SMYD1: variants seen among roughly 807,000 people sequenced by gnomAD.
The protein encoded by SMYD1 is histone-lysine N-methyltransferase SMYD1.
SMYD1 carries 49 observed loss-of-function variants against 54.0 expected under a neutral mutation model. The observed-to-expected ratio is 0.91, with a 90% CI of 0.72 to 1.15. The LOEUF (loss-of-function observed/expected upper bound fraction) is 1.15, where lower values mean the gene tolerates loss of function less well. Among genes scored for constraint, SMYD1 ranks in the 50% most tolerant of loss-of-function variants. The probability of loss-of-function intolerance (pLI) is 0.00; values close to 1 mark genes in which losing one functional copy is unlikely to be tolerated. For synonymous variants in SMYD1, 269 were observed against 234.2 expected, an observed-to-expected ratio of 1.15 and a Z score of -1.36; for missense variants, 653 against 639.6, an observed-to-expected ratio of 1.02 and a Z score of -0.23.
chr2:88,070,653 A>G (rs1673925221), intron 1 of SMYD1, among the ~76,000 whole-genome samples: 1 of 152,026 alleles, frequency 6.6e-6, no homozygotes, highest in Non-Finnish European at 1.5e-5. Flanking sequence ...CCTTTTAAAT[A>G]ATAGTTTTGG....
rs1424600264 is a variant in SMYD1, at chr2:88,104,026, GC to G, written c.981+877del. On this transcript the variant is annotated intron_variant, in intron 7 of 9. Transcript: ENST00000419482. ...CTGTCACCCAGGCTGGAGTGCAGTG[GC>G]ACGATTTCGGCTCACTGCAAGCTCT... Among the ~76,000 whole-genome samples the G allele has an allele frequency of 2.0e-5, 3 of 151,566 alleles. No individual in the cohort carries two copies. The East Asian group carries it at 5.8e-4, about 29-fold the overall frequency.
Position 88,106,411 on chromosome 2 carries a change from T to C in SMYD1, c.1068T>C (p.Ile356=), listed in dbSNP as rs377733618. 1.3e-4 allele frequency: 207 copies of C among 1,614,060 alleles called. 1 individual carries two copies. The highest frequency in any genetic ancestry group is 2.0e-5 in the Non-Finnish European group (24 of 1,180,044). The part of the protein sequence containing the change: ...TNIYMLRMLS[I]VSEVLSYLQA... The stretch of plus-strand genomic sequence containing the variant: ...TCTACATGCTGCGGATGCTGAGCAT[T>C]GTTTCGGAGGTCCTTTCCTACCTCC... Residue 356 remains isoleucine, a synonymous_variant, in exon 8 of 10, where the codon ATT becomes ATC. Transcript: ENST00000419482.
chr2:88,108,890 G>A (rs959059483), intron 9 of SMYD1, among the ~76,000 whole-genome samples: 2 of 152,196 alleles, frequency 1.3e-5, no homozygotes, highest in Non-Finnish European at 2.9e-5. Context: ...GAAAGAGGGA[G>A]CAAGAGAGAG....
chr2:88,091,008 G>C lies in SMYD1; in HGVS notation c.529-4G>C. On this transcript the variant is annotated splice_polypyrimidine_tract_variant and splice_region_variant and intron_variant, in intron 3 of 9. Coordinates refer to ENST00000419482, the MANE Select transcript of SMYD1 (RefSeq NM_198274.4). ...CTGACTCTTTCATCTTTTCCCCTGG[G>C]TAGATTAACTGCAACGGTTTTACTC... 2 of 1,612,084 alleles carry C rather than the reference G, an allele frequency of 1.2e-6. No individual in the cohort carries two copies. Among genetic ancestry groups the C allele is most frequent in the Non-Finnish European group, 1.7e-6 (2 of 1,178,794 alleles).
intron 1 of SMYD1, among the ~76,000 whole-genome samples, chr2:88,073,674 C>T (rs1435190486): frequency 2.0e-5 from 3 of 152,152 alleles, no homozygotes; most frequent in African/African-American, 7.2e-5. Context: ...CAAATTACCT[C>T]ATCAAAGGAG....
At chr2:88,108,273 A>T in intron 8 of SMYD1, 98 bp from the exon 9 acceptor site, 1 of 1,229,874 alleles carries the variant, frequency 8.1e-7, no homozygotes, top group Non-Finnish European at 1.1e-6. Context: ...GGGAAGACAG[A>T]TGGGCTTAAT....
intron 9 of SMYD1, among the ~76,000 whole-genome samples, chr2:88,109,086 G>T (rs980507813): frequency 1.2e-4 from 18 of 152,210 alleles, no homozygotes; most frequent in Non-Finnish European, 2.9e-5. Flanking sequence ...GGAAGGGACA[G>T]ATATCCAAAC....
At chr2:88,073,535 A>C (rs548237830) in intron 1 of SMYD1, among the ~76,000 whole-genome samples, 2 of 152,314 alleles carry the variant, frequency 1.3e-5, no homozygotes, top group African/African-American at 4.8e-5. Flanking sequence ...TGTTTTGGAG[A>C]TCAAGGGTGT....
chr2:88,100,747 T>C (rs1463086391), intron 6 of SMYD1, among the ~76,000 whole-genome samples: 2 of 152,178 alleles, frequency 1.3e-5, no homozygotes, highest in African/African-American at 4.8e-5. Flanking sequence ...AGGCAGCAGC[T>C]GGTAGCAGGC....
chr2:88,077,740 T>C (rs1674102064), intron 1 of SMYD1, among the ~76,000 whole-genome samples: 1 of 150,640 alleles, frequency 6.6e-6, no homozygotes, highest in African/African-American at 2.4e-5. Context: ...TTTTTTTTTT[T>C]TGAGACGGAG....
chr2:88,078,254 C>T (rs1674114175), intron 1 of SMYD1, among the ~76,000 whole-genome samples: 1 of 152,188 alleles, frequency 6.6e-6, no homozygotes, highest in East Asian at 1.9e-4. Flanking sequence ...CCATCTTACA[C>T]ATGTTATTTC....
At chr2:88,103,183 A>G in intron 7 of SMYD1, 33 bp downstream of exon 7, 1 of 1,580,352 alleles carries the variant, frequency 6.3e-7, no homozygotes, top group South Asian at 1.1e-5. Flanking sequence ...GGATGGGGGT[A>G]GAAAGGAGGG....
At position 88,103,125 on chromosome 2, in the gene SMYD1, C is replaced by T. The variant is rs1030887392; in HGVS notation, c.956C>T (p.Ala319Val). The T allele has an allele frequency of 3.7e-6, 6 of 1,613,812 alleles. No individual in the cohort carries two copies. Among genetic ancestry groups the T allele is most frequent in the Non-Finnish European group, 5.1e-6 (6 of 1,179,924 alleles). The change falls in exon 7 of 10, where the codon GCT becomes GTT. Residue 319 changes from alanine (A) to valine (V), a missense_variant. Transcript: ENST00000419482. Reference protein sequence around the residue: ...SKDTLEKIDKARSEGLYHEVV... With the variant: ...SKDTLEKIDKVRSEGLYHEVV... Reference sequence around the variant, plus strand: ...GATACATTGGAAAAGATAGACAAGGCTCGTTCCGAGGGTTTGTATCATGAG... The same window carrying T: ...GATACATTGGAAAAGATAGACAAGGTTCGTTCCGAGGGTTTGTATCATGAG...
At position 88,112,917 on chromosome 2, in the gene SMYD1, T is replaced by G. The variant is rs767149016; in HGVS notation, c.*2405T>G. The G allele has an allele frequency of 6.6e-6, 1 of 152,256 alleles. No homozygotes were observed. Among genetic ancestry groups the G allele is most frequent in the Non-Finnish European group, 1.5e-5 (1 of 68,086 alleles). 9.4% of individuals were successfully genotyped at this position (152,256 alleles called of 1,614,324 possible). On this transcript the variant is annotated 3_prime_UTR_variant, in exon 10 of 10. Transcript: ENST00000419482. ...TGTCATTCTGCACACAGTCTCTGCA[T>G]GAACTCAGGCAGACCCTTCATTTAA...
chr2:88,108,235 GC>G, intron 8 of SMYD1, 135 bp from the exon 9 acceptor site: 1 of 768,488 alleles, frequency 1.3e-6, no homozygotes, highest in Non-Finnish European at 1.9e-6. Context: ...TTCCCCCTTG[GC>G]GGCTACAGAA....
chr2:88,110,421 T>C lies in SMYD1; in HGVS notation c.1382T>C (p.Met461Thr). Residue 461 changes from methionine to threonine, a missense_variant, in exon 10 of 10, where the codon ATG (methionine) becomes ACG (threonine). Coordinates refer to ENST00000419482, the MANE Select transcript of SMYD1 (RefSeq NM_198274.4). ...FRQNEFMYYK[M>T]REAALNNQPM... ...CAGAACGAATTCATGTACTACAAGA[T>C]GCGCGAGGCTGCCCTGAACAACCAG... The C allele has an allele frequency of 1.2e-6, 2 of 1,611,140 alleles. No individual in the cohort carries two copies. Among genetic ancestry groups the C allele is most frequent in the Non-Finnish European group, 1.7e-6 (2 of 1,178,692 alleles).
At chr2:88,107,795 C>T (rs190020788) in intron 8 of SMYD1, among the ~76,000 whole-genome samples, 28 of 152,300 alleles carry the variant, frequency 1.8e-4, no homozygotes, top group Admixed American at 1.5e-3. Flanking sequence ...ATTGGAAAAG[C>T]GCAGTATTAG....
intron 6 of SMYD1, among the ~76,000 whole-genome samples, chr2:88,100,625 A>T (rs1387698344): frequency 6.6e-6 from 1 of 152,164 alleles, no homozygotes; most frequent in African/African-American, 2.4e-5. Context: ...ACCAGGCAAG[A>T]CATGGGCTTA....
rs1438021866 is a variant in SMYD1 at position 88,093,644 on chromosome 2, T to C, written c.698+89T>C. 5.7e-6 allele frequency: 8 copies of C among 1,414,300 alleles called. No individual in the cohort carries two copies. The African/African-American group carries it at 9.9e-5, about 17-fold the overall frequency. The allele number at this position is 1,414,300 out of a possible 1,614,324, so 87.6% of individuals were successfully genotyped here. On this transcript the variant is annotated intron_variant, in intron 5 of 9. Transcript: ENST00000419482. ...TGGGGCCACCCATTCCCGAGACTTC[T>C]TGGCTGCCATCTGTCCATAACGTCC...
Sources: gnomAD v4.1 joint callset for allele counts (sites outside exome capture counted in the v4.1 genomes callset) on GRCh38, gnomAD v4.1.1 for gene constraint, MANE v1.5 for transcripts, NCBI Gene and HGNC (gene_info 2026-07-23, HGNC 2026-07-21) for gene names.